COX7B2: variants seen among roughly 807,000 people sequenced by gnomAD.
The protein encoded by COX7B2 is cytochrome c oxidase subunit 7B2.
For missense variants in COX7B2, 109 were observed against 95.9 expected (o/e 1.14, Z -0.57); for synonymous variants, 37 against 32.1 (o/e 1.15, Z -0.51).
At chr4:46,801,828 A>G (rs751625831) in intron 2 of COX7B2, among the ~76,000 whole-genome samples, 7 of 152,200 alleles carry the variant, frequency 4.6e-5, no homozygotes, top group Admixed American at 2.0e-4. Flanking sequence ...ATTTTCTTAC[A>G]TTATTACATT....
chr4:46,838,615 C>T (rs1391267966), intron 2 of COX7B2, among the ~76,000 whole-genome samples: 1 of 151,932 alleles, frequency 6.6e-6, no homozygotes, highest in African/African-American at 2.4e-5. Flanking sequence ...CATAAACATA[C>T]CTTGATGCCT....
At chr4:46,828,548 A>G (rs1299068310) in intron 2 of COX7B2, among the ~76,000 whole-genome samples, 1 of 152,188 alleles carries the variant, frequency 6.6e-6, no homozygotes, top group Admixed American at 6.5e-5. Flanking sequence ...AAAACCTTCC[A>G]CTGGTAATAC....
chr4:46,870,253 G>C (rs1026808296), intron 1 of COX7B2, among the ~76,000 whole-genome samples: 3 of 151,434 alleles, frequency 2.0e-5, no homozygotes, highest in Non-Finnish European at 2.9e-5. Flanking sequence ...ACCTCAATAG[G>C]CACAGAAAAG....
chr4:46,771,421 T>A (rs1352674335), intron 2 of COX7B2, among the ~76,000 whole-genome samples: 1 of 152,048 alleles, frequency 6.6e-6, no homozygotes, highest in Non-Finnish European at 1.5e-5. Flanking sequence ...TACATAAAAA[T>A]AAAAATATAA....
chr4:46,781,051 A>G (rs555351751), intron 2 of COX7B2, among the ~76,000 whole-genome samples: 2 of 152,194 alleles, frequency 1.3e-5, no homozygotes, highest in South Asian at 2.1e-4. Flanking sequence ...TTATTTTTAC[A>G]TTAGAAAAGT....
intron 1 of COX7B2, among the ~76,000 whole-genome samples, chr4:46,904,665 A>G (rs1720268836): frequency 6.6e-6 from 1 of 152,186 alleles, no homozygotes; most frequent in Non-Finnish European, 1.5e-5. Flanking sequence ...ATCTTTTGAT[A>G]CAGCAATTCT....
At chr4:46,743,951 G>A (rs1344855553) in intron 2 of COX7B2, among the ~76,000 whole-genome samples, 1 of 152,152 alleles carries the variant, frequency 6.6e-6, no homozygotes, top group Non-Finnish European at 1.5e-5. Flanking sequence ...TAAGATTCAA[G>A]GAGTACAGGG....
chr4:46,816,896 G>A (rs567556261), intron 2 of COX7B2, among the ~76,000 whole-genome samples: 2 of 152,312 alleles, frequency 1.3e-5, no homozygotes, highest in South Asian at 2.1e-4. Context: ...GCTTGTTTGT[G>A]AGGGTAAGCC....
intron 2 of COX7B2, among the ~76,000 whole-genome samples, chr4:46,771,989 T>C (rs1403864145): frequency 6.6e-6 from 1 of 152,156 alleles, no homozygotes; most frequent in Non-Finnish European, 1.5e-5. Context: ...GCACAACCTG[T>C]ATCTCTTTCA....
chr4:46,847,693 G>A (rs977590301), intron 1 of COX7B2, among the ~76,000 whole-genome samples: 3 of 152,004 alleles, frequency 2.0e-5, no homozygotes, highest in African/African-American at 2.4e-5. Context: ...CTAAGAAAGC[G>A]CCAATAAAAA....
At chr4:46,744,142 T>G (rs1027696718) in intron 2 of COX7B2, among the ~76,000 whole-genome samples, 2 of 151,948 alleles carry the variant, frequency 1.3e-5, no homozygotes, top group African/African-American at 4.8e-5. Context: ...AAATTGACCC[T>G]TCTTGTTTTA....
intron 2 of COX7B2, among the ~76,000 whole-genome samples, chr4:46,738,815 TA>T: frequency 6.6e-6 from 1 of 152,036 alleles, no homozygotes; most frequent in Non-Finnish European, 1.5e-5. Context: ...CTCTAGGTAG[TA>T]AAAACAAAGT....
intron 1 of COX7B2, among the ~76,000 whole-genome samples, chr4:46,869,003 C>A (rs1717830736): frequency 6.6e-6 from 1 of 152,100 alleles, no homozygotes; most frequent in South Asian, 2.1e-4. Context: ...ATGTGGGAGT[C>A]TATGTCTCTT....
intron 2 of COX7B2, among the ~76,000 whole-genome samples, chr4:46,789,371 C>T (rs565259353): frequency 6.6e-6 from 1 of 152,202 alleles, no homozygotes; most frequent in Non-Finnish European, 1.5e-5. Context: ...TATGTTAGTT[C>T]TGGTCAAAAA....
chr4:46,768,009 C>A (rs1329562149), intron 2 of COX7B2, among the ~76,000 whole-genome samples: 1 of 152,222 alleles, frequency 6.6e-6, no homozygotes, highest in South Asian at 2.1e-4. Context: ...GAACCCTGTA[C>A]AGGCCCCAGC....
At chr4:46,838,007 T>G (rs925964516) in intron 2 of COX7B2, among the ~76,000 whole-genome samples, 6 of 152,056 alleles carry the variant, frequency 3.9e-5, no homozygotes, top group Non-Finnish European at 7.4e-5. Context: ...GAATCCTAGA[T>G]GCCTAGAACT....
At chr4:46,794,083 G>A (rs1577712119) in intron 2 of COX7B2, among the ~76,000 whole-genome samples, 1 of 152,258 alleles carries the variant, frequency 6.6e-6, no homozygotes, top group African/African-American at 2.4e-5. Context: ...TCAAGTATCA[G>A]CAAGCCTCCA....
chr4:46,756,578 C>T (rs1423330541), intron 2 of COX7B2, among the ~76,000 whole-genome samples: 1 of 151,852 alleles, frequency 6.6e-6, no homozygotes, highest in South Asian at 2.1e-4. Context: ...CTAGAATCTA[C>T]AAAGAACTCA....
intron 2 of COX7B2, among the ~76,000 whole-genome samples, chr4:46,753,602 T>C (rs1715550050): frequency 6.6e-6 from 1 of 151,946 alleles, no homozygotes; most frequent in East Asian, 1.9e-4. Flanking sequence ...CCTAAAACCA[T>C]AAAAACCCTA....
Sources: allele counts gnomAD v4.1 joint callset (sites outside exome capture counted in the v4.1 genomes callset), GRCh38; gene constraint gnomAD v4.1.1; transcripts MANE v1.5; gene names NCBI Gene and HGNC (gene_info 2026-07-23, HGNC 2026-07-21).